PSTPIP1: variants seen among roughly 807,000 people sequenced by gnomAD.
PSTPIP1 encodes the protein proline-serine-threonine phosphatase-interacting protein 1.
PSTPIP1 carries 66 observed loss-of-function variants against 69.6 expected under a neutral mutation model. The ratio of observed to expected loss-of-function variants is 0.95; its 90% CI spans 0.78 to 1.16. PSTPIP1 has a LOEUF of 1.16. Among genes scored for constraint, PSTPIP1 ranks in the 50% most tolerant of loss-of-function variants. The pLI is 0.00. For missense variants in PSTPIP1, 603 were observed against 557.4 expected (o/e 1.08, Z -0.82); for synonymous variants, 266 against 222.7 (o/e 1.19, Z -1.73).
chr15:77,002,203 G>T (rs1596045271), intron 1 of PSTPIP1, among the ~76,000 whole-genome samples: 1 of 152,204 alleles, frequency 6.6e-6, no homozygotes, highest in Non-Finnish European at 1.5e-5. Context: ...GCAGGTCTAG[G>T]CCCAGACGAG....
chr15:77,018,002 G>T, intron 1 of PSTPIP1, 146 bp from the exon 2 acceptor site: 4 of 723,624 alleles, frequency 5.5e-6, no homozygotes, highest in Non-Finnish European at 9.1e-6. Context: ...GTAAAGCCAG[G>T]TCTGGAGTCC....
At chr15:77,012,623 G>A (rs897849547) in intron 1 of PSTPIP1, among the ~76,000 whole-genome samples, 1 of 152,218 alleles carries the variant, frequency 6.6e-6, no homozygotes, top group Non-Finnish European at 1.5e-5. Context: ...GAGTCCCACT[G>A]TGGGGTACTG....
chr15:76,999,039 C>G (rs2075641186), intron 1 of PSTPIP1, among the ~76,000 whole-genome samples: 1 of 152,176 alleles, frequency 6.6e-6, no homozygotes. Flanking sequence ...GGGCACTGGC[C>G]TAGCACTGAG....
At chr15:77,028,217 G>A (rs2076330496) in intron 6 of PSTPIP1, 2 of 514,758 alleles carry the variant, frequency 3.9e-6, no homozygotes, top group South Asian at 2.2e-5. Flanking sequence ...CCTGCGAGAC[G>A]CTGGACAGGA....
intron 1 of PSTPIP1, among the ~76,000 whole-genome samples, chr15:77,017,282 C>G (rs1225497062): frequency 1.3e-5 from 2 of 152,196 alleles, no homozygotes; most frequent in African/African-American, 4.8e-5. Context: ...TCACACCCAG[C>G]TTCCCACACC....
At chr15:77,003,639 GA>G (rs2075758144) in intron 1 of PSTPIP1, among the ~76,000 whole-genome samples, 1 of 150,298 alleles carries the variant, frequency 6.7e-6, no homozygotes, top group African/African-American at 2.4e-5. Flanking sequence ...CTGGGCAAAA[GA>G]ACGAAACTCC....
chr15:77,002,064 C>T (rs984411801), intron 1 of PSTPIP1, among the ~76,000 whole-genome samples: 2 of 152,262 alleles, frequency 1.3e-5, no homozygotes, highest in Non-Finnish European at 2.9e-5. Context: ...CTTACATCAT[C>T]CCCTGAGGAG....
intron 3 of PSTPIP1, among the ~76,000 whole-genome samples, chr15:77,020,898 A>G (rs2076147516): frequency 6.8e-6 from 1 of 146,786 alleles, no homozygotes; most frequent in Admixed American, 6.9e-5. Context: ...GTTGGCCCTC[A>G]GGAAAGGTGA....
chr15:77,035,610 G>T, intron 13 of PSTPIP1, 47 bp downstream of exon 13: 1 of 1,538,804 alleles, frequency 6.5e-7, no homozygotes, highest in Non-Finnish European at 8.8e-7. Context: ...ATCCTGGGGG[G>T]GAGGAGAGGT....
At chr15:77,023,624 G>C (rs943852290) in intron 3 of PSTPIP1, 1 of 152,756 alleles carries the variant, frequency 6.5e-6, no homozygotes, top group African/African-American at 2.4e-5. Flanking sequence ...GGAGAGGTTT[G>C]CAGGGCAGGT....
intron 3 of PSTPIP1, among the ~76,000 whole-genome samples, chr15:77,022,655 G>A (rs1277873407): frequency 6.6e-6 from 1 of 152,208 alleles, no homozygotes; most frequent in Non-Finnish European, 1.5e-5. Context: ...GGGGGTTCTG[G>A]GGCAAAGCTG....
chr15:76,999,631 A>C (rs1380107961), intron 1 of PSTPIP1: 1 of 152,222 alleles, frequency 6.6e-6, no homozygotes, highest in South Asian at 2.1e-4. Context: ...AGGGCTGTCT[A>C]CTAGGTGGTC....
intron 1 of PSTPIP1, among the ~76,000 whole-genome samples, chr15:77,000,476 T>TATATATAC (rs1033258180): frequency 1.1e-3 from 158 of 146,876 alleles, no homozygotes; most frequent in African/African-American, 3.7e-3. Context: ...TATATATATA[T>TATATATAC]ACACACACAC....
At chr15:77,034,628 C>T (rs1312429220) in intron 12 of PSTPIP1, among the ~76,000 whole-genome samples, 1 of 152,154 alleles carries the variant, frequency 6.6e-6, no homozygotes, top group Non-Finnish European at 1.5e-5. Flanking sequence ...CATGCCTCCT[C>T]CCCTGCACCT....
chr15:77,003,335 G>A (rs901832501), intron 1 of PSTPIP1, among the ~76,000 whole-genome samples: 2 of 152,136 alleles, frequency 1.3e-5, no homozygotes, highest in African/African-American at 4.8e-5. Flanking sequence ...CTCTCCTCTG[G>A]GTTGGCTCTG....
intron 1 of PSTPIP1, among the ~76,000 whole-genome samples, chr15:77,011,266 T>C (rs1269587529): frequency 1.3e-5 from 2 of 152,220 alleles, no homozygotes; most frequent in African/African-American, 4.8e-5. Flanking sequence ...AGTGTGTCCT[T>C]GTCCAGTGCC....
chr15:77,020,728 C>G (rs1464028695), intron 3 of PSTPIP1, among the ~76,000 whole-genome samples: 1 of 152,194 alleles, frequency 6.6e-6, no homozygotes, highest in African/African-American at 2.4e-5. Flanking sequence ...CTCCAGGAAG[C>G]CCTCCCAGAC....
Position 77,029,583 on chromosome 15 carries a change from G to A in PSTPIP1, c.562+9G>A, listed in dbSNP as rs762489652. ...CTCGGCCACCGAGGCAGGTATGTGG[G>A]CCTGGCTGCCCCGTCCGACCAGGGC... On this transcript the variant is annotated intron_variant, in intron 8 of 14. Coordinates refer to ENST00000558012, the MANE Select transcript of PSTPIP1 (RefSeq NM_003978.5). 4 of 1,572,252 alleles carry A rather than the reference G, an allele frequency of 2.5e-6. No homozygotes were observed. Among genetic ancestry groups the A allele is most frequent in the Non-Finnish European group, 3.4e-6 (4 of 1,159,800 alleles).
At chr15:77,017,461 G>C (rs952311668) in intron 1 of PSTPIP1, among the ~76,000 whole-genome samples, 1 of 152,204 alleles carries the variant, frequency 6.6e-6, no homozygotes, top group African/African-American at 2.4e-5. Context: ...GGTGAATGTA[G>C]GGTGTGCTTG....
Sources: gnomAD v4.1 joint callset for allele counts (sites outside exome capture counted in the v4.1 genomes callset) on GRCh38, gnomAD v4.1.1 for gene constraint, MANE v1.5 for transcripts, NCBI Gene and HGNC (gene_info 2026-07-23, HGNC 2026-07-21) for gene names.